KLF8: variants seen among roughly 807,000 people sequenced by gnomAD.
The protein encoded by KLF8 is Krueppel-like factor 8.
Under a neutral mutation model 18.2 loss-of-function variants are expected in KLF8, and 10 were observed. The ratio of observed to expected loss-of-function variants is 0.55; its 90% CI spans 0.34 to 0.93. The LOEUF (loss-of-function observed/expected upper bound fraction) is 0.93. KLF8 is among the 40% of genes least tolerant of loss of function. The pLI, the probability that KLF8 is intolerant of heterozygous loss-of-function variation, is 0.02. For missense variants in KLF8, 264 were observed against 277.9 expected (o/e 0.95, Z 0.36); for synonymous variants, 109 against 97.3 (o/e 1.12, Z -0.71).
the KLF8 span, among the ~76,000 whole-genome samples, chrX:56,015,701 G>A: frequency 9.0e-6 from 1 of 111,533 alleles, no homozygotes; most frequent in Admixed American, 9.6e-5. Context: ...AGTGGAGGAA[G>A]GGTAGAATAC....
Position 56,233,243 on chromosome X carries a change from G to C in KLF8, c.-92G>C, listed in dbSNP as rs375161529. On this transcript the variant is annotated 5_prime_UTR_variant, in exon 1 of 6. Coordinates refer to ENST00000468660, the MANE Select transcript of KLF8 (RefSeq NM_007250.5). ...CTATGTCAGAATGGGGCGGGTGTGA[G>C]GGGAACAGCTCTCTTGCGATCAGCT... is the stretch of plus-strand genomic sequence containing the variant. 48 of 1,113,811 alleles carry C rather than the reference G, an allele frequency of 4.3e-5. No homozygotes were observed. Among genetic ancestry groups the C allele is most frequent in the Non-Finnish European group, 5.5e-5 (45 of 811,343 alleles). The allele number at this position is 1,113,811 out of a possible 1,213,427, so 91.8% of individuals were successfully genotyped here.
At chrX:56,062,573 C>G in the KLF8 span, among the ~76,000 whole-genome samples, 1 of 112,138 alleles carries the variant, frequency 8.9e-6, no homozygotes, top group Non-Finnish European at 1.9e-5. Context: ...TGATGGCCTT[C>G]TTTTTGTGGG....
the KLF8 span, among the ~76,000 whole-genome samples, chrX:56,028,336 A>G: frequency 8.9e-6 from 1 of 111,788 alleles, no homozygotes; most frequent in Non-Finnish European, 1.9e-5. Flanking sequence ...TGCAAAACCC[A>G]CAGCTCCTAG....
At chrX:56,110,825 TTG>T in the KLF8 span, among the ~76,000 whole-genome samples, 5 of 111,896 alleles carry the variant, frequency 4.5e-5, no homozygotes, top group Admixed American at 2.8e-4. Context: ...TTTCATTAAT[TTG>T]TCTTTTAAAT....
At chrX:56,138,568 A>C in the KLF8 span, among the ~76,000 whole-genome samples, 1 of 111,314 alleles carries the variant, frequency 9.0e-6, no homozygotes, top group African/African-American at 3.3e-5. Context: ...AACAAAAACC[A>C]CATGATCATC....
Position 56,274,967 on chromosome X carries a change from G to C in KLF8, c.898+4646G>C, listed in dbSNP as rs967394210. On this transcript the variant is annotated intron_variant, in intron 5 of 5. Transcript: ENST00000468660. Reference sequence around the variant, plus strand: ...CTTCAGTTTTATTATTTTTGCTTAAGATAGCTTTGGTTATTCTGGGTTTTT... The same window carrying C: ...CTTCAGTTTTATTATTTTTGCTTAACATAGCTTTGGTTATTCTGGGTTTTT... 2.7e-5 allele frequency among the ~76,000 whole-genome samples: 3 copies of C among 111,942 alleles called. No individual in the cohort carries two copies. In the East Asian group the frequency reaches 8.4e-4, roughly 31 times the overall value.
At chrX:56,236,568 C>T (rs757855109) in intron 1 of KLF8, among the ~76,000 whole-genome samples, 4 of 110,815 alleles carry the variant, frequency 3.6e-5, no homozygotes, top group African/African-American at 1.3e-4. Context: ...TTAATTTAGG[C>T]GAGACGTGCA....
the KLF8 span, among the ~76,000 whole-genome samples, chrX:56,115,133 G>A: frequency 9.1e-6 from 1 of 109,316 alleles, no homozygotes; most frequent in Non-Finnish European, 1.9e-5. Flanking sequence ...TATTTTTTTG[G>A]CCAGGCACGC....
At chrX:56,175,392 T>C in the KLF8 span, among the ~76,000 whole-genome samples, 3 of 112,119 alleles carry the variant, frequency 2.7e-5, no homozygotes, top group African/African-American at 9.7e-5. Context: ...TCAGTTTCCA[T>C]GTAGTTGAGT....
At chrX:55,959,136 G>A in the KLF8 span, among the ~76,000 whole-genome samples, 1 of 112,388 alleles carries the variant, frequency 8.9e-6, no homozygotes, top group Non-Finnish European at 1.9e-5. Flanking sequence ...GTAAGAGTAT[G>A]CAGTCCAAAA....
the KLF8 span, among the ~76,000 whole-genome samples, chrX:56,050,223 T>A: frequency 8.9e-6 from 1 of 111,743 alleles, no homozygotes; most frequent in Admixed American, 9.5e-5. Flanking sequence ...AACCAGCTCC[T>A]GGATTCATTA....
the KLF8 span, among the ~76,000 whole-genome samples, chrX:55,967,795 A>G: frequency 2.7e-5 from 3 of 112,038 alleles, no homozygotes; most frequent in Non-Finnish European, 5.6e-5. Flanking sequence ...ATAAAAAATA[A>G]TAACTAAGAC....
chrX:55,928,963 G>A, the KLF8 span, among the ~76,000 whole-genome samples: 1 of 112,046 alleles, frequency 8.9e-6, no homozygotes, highest in Non-Finnish European at 1.9e-5. Context: ...TTCCACAATG[G>A]CTGAAATAAT....
At chrX:56,097,668 TC>T in the KLF8 span, among the ~76,000 whole-genome samples, 85 of 47,157 alleles carry the variant, frequency 1.8e-3, no homozygotes, top group Non-Finnish European at 2.4e-3. Context: ...TCCCTCCCCC[TC>T]CCCCCACCCC....
chrX:56,113,994 G>C, the KLF8 span, among the ~76,000 whole-genome samples: 1 of 111,966 alleles, frequency 8.9e-6, no homozygotes, highest in Non-Finnish European at 1.9e-5. Flanking sequence ...GGGAGACTGC[G>C]GCTGGCCCTA....
intron 1 of KLF8, among the ~76,000 whole-genome samples, chrX:56,241,042 A>T (rs1244528487): frequency 8.9e-6 from 1 of 112,353 alleles, no homozygotes; most frequent in African/African-American, 3.2e-5. Context: ...TTTGCATAAA[A>T]ATATACATTG....
At chrX:56,123,194 A>G in the KLF8 span, among the ~76,000 whole-genome samples, 2 of 109,772 alleles carry the variant, frequency 1.8e-5, no homozygotes, top group African/African-American at 3.3e-5. Flanking sequence ...CACCCCAAGC[A>G]TGTTTGACAG....
At chrX:56,123,247 GAAAGAA>G in the KLF8 span, among the ~76,000 whole-genome samples, 14 of 90,673 alleles carry the variant, frequency 1.5e-4, no homozygotes, top group South Asian at 2.4e-3. Flanking sequence ...AATAAAAAAA[GAAAGAA>G]AAAGAAAGAA....
chrX:55,999,411 G>C, the KLF8 span, among the ~76,000 whole-genome samples: 1 of 106,704 alleles, frequency 9.4e-6, no homozygotes, highest in Non-Finnish European at 1.9e-5. Context: ...TGTTGAATAT[G>C]TAGATTGCTT....
Sources: allele counts gnomAD v4.1 joint callset (sites outside exome capture counted in the v4.1 genomes callset), GRCh38; gene constraint gnomAD v4.1.1; transcripts MANE v1.5; gene names NCBI Gene and HGNC (gene_info 2026-07-23, HGNC 2026-07-21).